Variants in SNTG2 observed in about 807,000 individuals in gnomAD.
SNTG2 encodes gamma-2-syntrophin.
A neutral mutation model predicts 70.9 loss-of-function variants in SNTG2; 74 were observed. That is an observed-to-expected ratio of 1.04 (90% confidence interval 0.86 to 1.27). The LOEUF is 1.27. SNTG2 is among the 50% of genes most tolerant of loss of function. The pLI is 0.00. For missense variants in SNTG2, 717 were observed against 690.7 expected, an observed-to-expected ratio of 1.04 and a Z score of -0.43; for synonymous variants, 278 against 273.8, an observed-to-expected ratio of 1.02 and a Z score of -0.15.
chr2:1,145,000 T>A (rs1483274843), intron 6 of SNTG2, among the ~76,000 whole-genome samples: 2 of 152,184 alleles, frequency 1.3e-5, no homozygotes, highest in African/African-American at 4.8e-5. Flanking sequence ...GAAATCTCAA[T>A]AGAAATCTTA....
chr2:1,154,002 A>C (rs73160160), intron 6 of SNTG2, among the ~76,000 whole-genome samples: 8,791 of 152,306 alleles, frequency 0.058, 338 homozygotes, highest in African/African-American at 0.1. Flanking sequence ...CAAAAGTCGA[A>C]TAGAAATCTC....
intron 4 of SNTG2, among the ~76,000 whole-genome samples, chr2:1,112,696 A>G (rs1324012217): frequency 6.6e-6 from 1 of 151,414 alleles, no homozygotes; most frequent in East Asian, 1.9e-4. Context: ...ATGTGTACTA[A>G]GTGAGGGTTA....
At chr2:1,279,037 CCTGTCAGTGCGCGATTCACCCCTCT>C (rs1558626158) in intron 14 of SNTG2, among the ~76,000 whole-genome samples, 1 of 127,966 alleles carries the variant, frequency 7.8e-6, no homozygotes, top group East Asian at 2.2e-4. Context: ...TGAATCACCC[CCTGTCAGTGCGCGATTCACCCCTCT>C]GTCAGTGCGC....
At chr2:1,051,649 C>T (rs1662080894) in intron 1 of SNTG2, among the ~76,000 whole-genome samples, 1 of 152,200 alleles carries the variant, frequency 6.6e-6, no homozygotes, top group South Asian at 2.1e-4. Context: ...ATTTTTCCTC[C>T]TGGATCATTC....
chr2:1,305,620 C>T (rs1458733342), intron 14 of SNTG2, among the ~76,000 whole-genome samples: 2 of 152,176 alleles, frequency 1.3e-5, no homozygotes, highest in East Asian at 1.9e-4. Context: ...GTATGTACAG[C>T]AGTAATGAGG....
chr2:1,101,365 C>T (rs1665770750), intron 4 of SNTG2, among the ~76,000 whole-genome samples: 1 of 152,252 alleles, frequency 6.6e-6, no homozygotes, highest in Admixed American at 6.5e-5. Flanking sequence ...TCCATTTCAT[C>T]AGCTGTGCCA....
intron 4 of SNTG2, among the ~76,000 whole-genome samples, chr2:1,099,666 GTGTGGTGAGGGCAGT>G (rs1382200724): frequency 1.2e-4 from 19 of 152,174 alleles, no homozygotes; most frequent in African/African-American, 4.6e-4. Context: ...CTGAAGGTGG[GTGTGGTGAGGGCAGT>G]TGTGGTGAGG....
intron 1 of SNTG2, among the ~76,000 whole-genome samples, chr2:1,022,310 A>T (rs1254133025): frequency 6.6e-6 from 1 of 150,718 alleles, no homozygotes; most frequent in East Asian, 2.0e-4. Context: ...GTTCCCGTGA[A>T]TCCTTGCGCT....
chr2:1,250,459 C>A (rs62108689), intron 12 of SNTG2, among the ~76,000 whole-genome samples: 13,744 of 152,084 alleles, frequency 0.09, 689 homozygotes, highest in South Asian at 0.15. Flanking sequence ...CTTTGTCTCT[C>A]TCTGTCTGAC....
In SNTG2 at chr2:1,076,002, G is replaced by A. The variant is rs114202270; in HGVS notation, c.73-7516G>A. ...GGTGAGGCAGATTGCACGCCTGTGT[G>A]TAGGCAGCACGTGGCAGACGTCGTC... is the stretch of plus-strand genomic sequence containing the variant. On this transcript the variant is annotated intron_variant, in intron 1 of 16. Transcript: ENST00000308624. Among the ~76,000 whole-genome samples the A allele has an allele frequency of 8.8e-3, 1,340 of 152,322 alleles. 22 individuals are homozygous for A. Among genetic ancestry groups the A allele is most frequent in the African/African-American group, 0.031 (1,277 of 41,578 alleles).
intron 16 of SNTG2, among the ~76,000 whole-genome samples, chr2:1,333,137 T>C (rs1659617792): frequency 1.3e-5 from 2 of 152,102 alleles, no homozygotes; most frequent in Non-Finnish European, 2.9e-5. Context: ...CACAAATGAG[T>C]AGCACTGCTA....
chr2:1,069,096 G>T (rs1302743328), intron 1 of SNTG2, among the ~76,000 whole-genome samples: 6 of 152,120 alleles, frequency 3.9e-5, no homozygotes, highest in Admixed American at 3.3e-4. Flanking sequence ...GTTGCACATG[G>T]TTTATGATGG....
chr2:1,235,589 G>A lies in SNTG2; in HGVS notation c.720-2299G>A, dbSNP rs112181507. ...CCGATTCATGAGAGGGGGGACCCCT[G>A]CCCCACGCTGCCCTGAGGTCCCTGC... is the stretch of plus-strand genomic sequence containing the variant. On this transcript the variant is annotated intron_variant, in intron 9 of 16. Transcript: ENST00000308624. Among the ~76,000 whole-genome samples, 29 of 112,896 alleles carry A rather than the reference G, an allele frequency of 2.6e-4. No homozygotes were observed. In the South Asian group the frequency reaches 3.3e-3, roughly 13 times the overall value. The allele number at this position is 112,896 out of a possible 152,430, so 74.1% of individuals were successfully genotyped here. A position where few individuals can be genotyped will look rare whatever the true frequency, so the allele number is the denominator to read the frequency against.
At chr2:1,008,607 A>G (rs1274581144) in intron 1 of SNTG2, among the ~76,000 whole-genome samples, 1 of 152,204 alleles carries the variant, frequency 6.6e-6, no homozygotes, top group African/African-American at 2.4e-5. Flanking sequence ...TATTATTTAT[A>G]TGTATTAACA....
At chr2:1,279,015 G>A (rs1479537820) in intron 14 of SNTG2, among the ~76,000 whole-genome samples, 4 of 81,662 alleles carry the variant, frequency 4.9e-5, no homozygotes, top group African/African-American at 1.1e-4. Context: ...GTGAATAACC[G>A]CTGTCTGTGC....
At chr2:1,015,805 G>C (rs180966757) in intron 1 of SNTG2, among the ~76,000 whole-genome samples, 1 of 152,296 alleles carries the variant, frequency 6.6e-6, no homozygotes, top group Non-Finnish European at 1.5e-5. Context: ...GTGCAGAGTT[G>C]CATATCTGGG....
At chr2:1,366,054 G>A (rs1052354104) in intron 16 of SNTG2, among the ~76,000 whole-genome samples, 3 of 12,444 alleles carry the variant, frequency 2.4e-4, no homozygotes, top group East Asian at 0.05. Flanking sequence ...AGGCCTTAGC[G>A]TTGCTCTTCT....
At chr2:1,004,291 T>C (rs1317118312) in intron 1 of SNTG2, among the ~76,000 whole-genome samples, 4 of 152,234 alleles carry the variant, frequency 2.6e-5, no homozygotes, top group African/African-American at 7.2e-5. Context: ...ACTTTTGATA[T>C]GACATCAAAA....
chr2:1,238,176 C>T (rs532214942), intron 10 of SNTG2, among the ~76,000 whole-genome samples, 159 bp downstream of exon 10: 3 of 152,106 alleles, frequency 2.0e-5, no homozygotes, highest in Non-Finnish European at 2.9e-5. Context: ...AAAAATGAAG[C>T]CATCAGAATG....
Sources: allele counts gnomAD v4.1 joint callset (sites outside exome capture counted in the v4.1 genomes callset), GRCh38; gene constraint gnomAD v4.1.1; transcripts MANE v1.5; gene names NCBI Gene and HGNC (gene_info 2026-07-23, HGNC 2026-07-21).